COPS4: variants seen among roughly 807,000 people sequenced by gnomAD.
COPS4 encodes the protein COP9 signalosome subunit 4, also known as COP9 signalosome complex subunit 4.
Under a neutral mutation model 55.1 loss-of-function variants are expected in COPS4, and 8 were observed. That is an observed-to-expected ratio of 0.15 (90% confidence interval 0.09 to 0.26). COPS4 has a LOEUF of 0.26. Among genes scored for constraint, COPS4 ranks in the 10% least tolerant of loss-of-function variants. COPS4 has a pLI of 1.00. For missense variants in COPS4, 248 were observed against 484.0 expected (o/e 0.51, Z 4.58); for synonymous variants, 185 against 165.7 (o/e 1.12, Z -0.90).
At chr4:83,072,310 G>A (rs904421605) in intron 9 of COPS4, among the ~76,000 whole-genome samples, 1 of 151,466 alleles carries the variant, frequency 6.6e-6, no homozygotes, top group Non-Finnish European at 1.5e-5. Flanking sequence ...ATATTGGTCA[G>A]CCTGGTCTTG....
intron 1 of COPS4, among the ~76,000 whole-genome samples, chr4:83,042,422 A>AT (rs1347390462): frequency 6.6e-6 from 1 of 152,144 alleles, no homozygotes; most frequent in Non-Finnish European, 1.5e-5. Context: ...TGAAAAAGTA[A>AT]TCTCTGTTGT....
Position 83,049,328 on chromosome 4 carries a change from A to G in COPS4, c.306+11A>G. On this transcript the variant is annotated intron_variant, in intron 3 of 9. Transcript: ENST00000264389. ...TCATTTGAGGAGCAGGTAAAAATCT[A>G]GAGAAGTGGTTTTTTAACTTGAGAT... The G allele has an allele frequency of 6.4e-7, 1 of 1,565,164 alleles. No individual in the cohort carries two copies. The highest frequency in any genetic ancestry group is 1.2e-5 in the South Asian group (1 of 82,390).
chr4:83,060,350 ATTT>A (rs376935134), intron 6 of COPS4, among the ~76,000 whole-genome samples: 2 of 121,432 alleles, frequency 1.6e-5, no homozygotes, highest in Non-Finnish European at 3.4e-5. Flanking sequence ...CGCGCAGCTA[ATTT>A]TTTTTTTTTT....
chr4:83,051,416 C>T (rs1204717998), intron 4 of COPS4, among the ~76,000 whole-genome samples: 3 of 152,044 alleles, frequency 2.0e-5, no homozygotes, highest in African/African-American at 7.3e-5. Context: ...CAAAGCAAGA[C>T]CCTGTCTTTT....
At chr4:83,039,812 T>G (rs983476236) in intron 1 of COPS4, among the ~76,000 whole-genome samples, 2 of 152,168 alleles carry the variant, frequency 1.3e-5, no homozygotes, top group Non-Finnish European at 2.9e-5. Context: ...AAAAACATTT[T>G]TTTTGGTACA....
intron 1 of COPS4, among the ~76,000 whole-genome samples, chr4:83,042,552 T>C (rs1730594654): frequency 1.3e-5 from 2 of 151,630 alleles, no homozygotes; most frequent in African/African-American, 4.8e-5. Context: ...TCTTGCTCTG[T>C]CCAGGCACAC....
intron 7 of COPS4, chr4:83,064,969 C>A (rs1252074589): frequency 2.0e-6 from 1 of 492,738 alleles, no homozygotes; most frequent in Non-Finnish European, 3.7e-6. Flanking sequence ...CTCACTGCAG[C>A]CTCCACCTCT....
intron 1 of COPS4, 43 bp from the exon 2 acceptor site, chr4:83,045,583 T>A (rs1465591547): frequency 1.4e-6 from 2 of 1,465,374 alleles, no homozygotes; most frequent in South Asian, 2.3e-5. Context: ...CATTAGAAAA[T>A]ATAGTACCCT....
intron 3 of COPS4, 158 bp downstream of exon 3, chr4:83,049,475 A>C (rs181091020): frequency 3.3e-6 from 2 of 608,756 alleles, no homozygotes. Context: ...AGTAAATATT[A>C]GGTTGTTACA....
At chr4:83,070,161 C>T (rs1265929129) in intron 9 of COPS4, among the ~76,000 whole-genome samples, 1 of 152,174 alleles carries the variant, frequency 6.6e-6, no homozygotes, top group Non-Finnish European at 1.5e-5. Flanking sequence ...CTCCAGCTAT[C>T]CTTCATAGTC....
intron 7 of COPS4, 129 bp downstream of exon 7, chr4:83,063,375 G>T: frequency 1.6e-6 from 1 of 637,764 alleles, no homozygotes; most frequent in South Asian, 4.2e-5. Flanking sequence ...AAGAGGAATT[G>T]TTTTTATTTA....
intron 9 of COPS4, among the ~76,000 whole-genome samples, chr4:83,069,488 T>G (rs1425495410): frequency 6.6e-6 from 1 of 152,182 alleles, no homozygotes; most frequent in African/African-American, 2.4e-5. Context: ...CCTCTCTAAA[T>G]TCGAGGTCAC....
intron 7 of COPS4, chr4:83,064,965 G>T: frequency 3.0e-6 from 1 of 334,828 alleles, no homozygotes. Context: ...ATAGCTCACT[G>T]CAGCCTCCAC....
intron 4 of COPS4, among the ~76,000 whole-genome samples, chr4:83,056,368 C>A (rs1731015609): frequency 6.6e-6 from 1 of 152,064 alleles, no homozygotes; most frequent in African/African-American, 2.4e-5. Context: ...TATGATATAC[C>A]CCTAAACTGG....
intron 8 of COPS4, among the ~76,000 whole-genome samples, chr4:83,067,220 A>G (rs1186566719): frequency 6.6e-6 from 1 of 151,638 alleles, no homozygotes; most frequent in East Asian, 1.9e-4. Flanking sequence ...AGTACACATC[A>G]CCACGCCTGG....
At chr4:83,056,340 G>T (rs999961766) in intron 4 of COPS4, among the ~76,000 whole-genome samples, 5 of 152,102 alleles carry the variant, frequency 3.3e-5, no homozygotes, top group Non-Finnish European at 5.9e-5. Flanking sequence ...TTCTAGGAAG[G>T]TTGTCCCACT....
At chr4:83,073,397 T>C (rs1731487395) in intron 9 of COPS4, 4 of 551,404 alleles carry the variant, frequency 7.3e-6, no homozygotes, top group East Asian at 2.9e-5. Flanking sequence ...TAGCATTTCA[T>C]TGGATGTATA....
At chr4:83,050,775 A>T (rs1272712453) in intron 4 of COPS4, among the ~76,000 whole-genome samples, 2 of 152,100 alleles carry the variant, frequency 1.3e-5, no homozygotes, top group Non-Finnish European at 2.9e-5. Flanking sequence ...AGTACTGGGG[A>T]CCAGGTTATG....
At chr4:83,045,595 A>G in intron 1 of COPS4, 31 bp from the exon 2 acceptor site, 2 of 1,529,758 alleles carry the variant, frequency 1.3e-6, no homozygotes, top group Non-Finnish European at 1.8e-6. Context: ...TAGTACCCTC[A>G]GAACATTATT....
Sources: allele counts gnomAD v4.1 joint callset (sites outside exome capture counted in the v4.1 genomes callset), GRCh38; gene constraint gnomAD v4.1.1; transcripts MANE v1.5; gene names NCBI Gene and HGNC (gene_info 2026-07-23, HGNC 2026-07-21).